Variants in CAMKK2 observed in about 807,000 individuals in gnomAD.
CAMKK2 encodes the protein calcium/calmodulin-dependent protein kinase kinase 2.
Under a neutral mutation model 67.2 loss-of-function variants are expected in CAMKK2, and 30 were observed. The ratio of observed to expected loss-of-function variants is 0.45; its 90% CI spans 0.33 to 0.61. The LOEUF (loss-of-function observed/expected upper bound fraction) is 0.61. Ranked by LOEUF, CAMKK2 falls within the 20% of genes least tolerant of loss-of-function variation. The pLI, the probability that CAMKK2 is intolerant of heterozygous loss-of-function variation, is 0.02. For missense variants in CAMKK2, 643 were observed against 802.0 expected, an observed-to-expected ratio of 0.80 and a Z score of 2.39; for synonymous variants, 322 against 326.2, an observed-to-expected ratio of 0.99 and a Z score of 0.14.
chr12:121,273,839 C>G (rs1221746024), intron 2 of CAMKK2, among the ~76,000 whole-genome samples: 2 of 152,104 alleles, frequency 1.3e-5, no homozygotes, highest in Non-Finnish European at 2.9e-5. Flanking sequence ...CATGACCCAC[C>G]CTTTGCTGAC....
intron 1 of CAMKK2, among the ~76,000 whole-genome samples, chr12:121,276,470 C>A (rs540071769): frequency 1.3e-5 from 2 of 152,032 alleles, no homozygotes; most frequent in South Asian, 2.1e-4. Flanking sequence ...AGACTCATCT[C>A]AAAAAATAAA....
At chr12:121,259,200 A>G (rs906435720) in intron 7 of CAMKK2, among the ~76,000 whole-genome samples, 2 of 152,118 alleles carry the variant, frequency 1.3e-5, no homozygotes, top group Non-Finnish European at 2.9e-5. Flanking sequence ...TGTTCTGCCC[A>G]AATGTCACCT....
upstream of CAMKK2, chr12:121,297,183 T>C (rs886606622): frequency 1.9e-5 from 3 of 160,236 alleles, no homozygotes; most frequent in Non-Finnish European, 4.1e-5. Context: ...TTTAGCCAAA[T>C]GCCGGGGCTG....
At chr12:121,257,319 T>C (rs995000645) in intron 7 of CAMKK2, among the ~76,000 whole-genome samples, 1 of 151,738 alleles carries the variant, frequency 6.6e-6, no homozygotes, top group Non-Finnish European at 1.5e-5. Context: ...CGATCTTGGC[T>C]CACTGCAACC....
intron 1 of CAMKK2, among the ~76,000 whole-genome samples, chr12:121,290,764 T>C (rs1482309074): frequency 3.9e-5 from 6 of 152,300 alleles, no homozygotes; most frequent in African/African-American, 1.2e-4. Context: ...AAAATTGTAA[T>C]GAAATGACCA....
intron 14 of CAMKK2, among the ~76,000 whole-genome samples, chr12:121,246,976 C>G (rs901593413): frequency 6.6e-6 from 1 of 152,166 alleles, no homozygotes; most frequent in Non-Finnish European, 1.5e-5. Flanking sequence ...CAGACCACTT[C>G]CCAGTATCTA....
Position 121,271,433 on chromosome 12 carries a change from C to T in CAMKK2, c.472-488G>A, listed in dbSNP as rs558152699. 1.8e-3 allele frequency among the ~76,000 whole-genome samples: 267 copies of T among 152,292 alleles called. 2 individuals carry two copies. The highest frequency in any genetic ancestry group is 5.3e-3 in the African/African-American group (219 of 41,570). The stretch of plus-strand genomic sequence containing the variant: ...TGGCCACTCTCTTGACTTCTAACAA[C>T]GCTGATTTTGCTTGTTGTACTTTGT... On this transcript the variant is annotated intron_variant, in intron 2 of 16. Coordinates refer to ENST00000404169, the MANE Select transcript of CAMKK2 (RefSeq NM_001270485.2).
At chr12:121,280,635 T>C (rs983427470) in intron 1 of CAMKK2, among the ~76,000 whole-genome samples, 1 of 152,172 alleles carries the variant, frequency 6.6e-6, no homozygotes, top group South Asian at 2.1e-4. Context: ...AGAAAGAGAA[T>C]GCGTACCTAG....
chr12:121,292,028 C>T (rs1900123853), intron 1 of CAMKK2, among the ~76,000 whole-genome samples: 1 of 151,794 alleles, frequency 6.6e-6, no homozygotes, highest in Admixed American at 6.6e-5. Context: ...TGCACTCCAG[C>T]CTGGCGACAG....
At chr12:121,247,439 C>T (rs368233038) in intron 14 of CAMKK2, among the ~76,000 whole-genome samples, 2 of 152,210 alleles carry the variant, frequency 1.3e-5, no homozygotes, top group African/African-American at 2.4e-5. Flanking sequence ...CCCAAGAACC[C>T]GTCCCAGAGA....
chr12:121,240,350 A>G lies in CAMKK2; in HGVS notation c.*349T>C. 1 of 1,266,528 alleles carries G rather than the reference A, an allele frequency of 7.9e-7. No individual in the cohort carries two copies. The highest frequency in any genetic ancestry group is 1.1e-6 in the Non-Finnish European group (1 of 925,508). The allele number at this position is 1,266,528 out of a possible 1,614,324, so 78.5% of individuals were successfully genotyped here. A position where few individuals can be genotyped will look rare whatever the true frequency, so the allele number is the denominator to read the frequency against. On this transcript the variant is annotated 3_prime_UTR_variant, in exon 17 of 17. Transcript: ENST00000404169. This position sits in a 1 kb window ranked among gnomAD's most constrained non-coding sequence, Gnocchi z 4.4. The stretch of plus-strand genomic sequence containing the variant: ...CCTTTCCACAGTTGTCAAACCCCAC[A>G]CACAGTCACTTGGTATATCTGACGT...
chr12:121,240,480 GTCC>G lies in CAMKK2; in HGVS notation c.*216_*218del, dbSNP rs1329165488. ...GGTCTGCAACTCCTCACACCCGCCTGTCCAGCCAGCCAGCGGCCACGGTCGACG... is the reference window on the plus strand; with the variant it reads ...GGTCTGCAACTCCTCACACCCGCCTGAGCCAGCCAGCGGCCACGGTCGACG... On this transcript the variant is annotated 3_prime_UTR_variant, in exon 17 of 17. Transcript: ENST00000404169. The surrounding 1 kb of genome is among the most constrained non-coding windows in gnomAD (Gnocchi z 4.4). The G allele has an allele frequency of 1.3e-6, 2 of 1,535,054 alleles. No individual in the cohort carries two copies. The highest frequency in any genetic ancestry group is 3.9e-5 in the Admixed American group (2 of 50,906).
chr12:121,296,921 G>A (rs1466069244), upstream of CAMKK2, among the ~76,000 whole-genome samples: 15 of 151,542 alleles, frequency 9.9e-5, no homozygotes, highest in Admixed American at 9.2e-4. The surrounding 1 kb of genome is among the most constrained non-coding windows in gnomAD (Gnocchi z 7.1). Flanking sequence ...CCGGGGAGGG[G>A]TGGGGAGGCG....
intron 6 of CAMKK2, among the ~76,000 whole-genome samples, chr12:121,262,874 A>C (rs1166704366): frequency 6.6e-6 from 1 of 152,140 alleles, no homozygotes; most frequent in African/African-American, 2.4e-5. Flanking sequence ...GTTTTTAAAT[A>C]ATTAATAGTT....
intron 1 of CAMKK2, among the ~76,000 whole-genome samples, chr12:121,276,884 C>CA (rs1290040453): frequency 1.3e-4 from 13 of 102,018 alleles, no homozygotes; most frequent in East Asian, 2.7e-4. Flanking sequence ...GACTCCATCT[C>CA]AAAAAAAAAG....
chr12:121,280,637 C>T (rs918187103), intron 1 of CAMKK2, among the ~76,000 whole-genome samples: 9 of 152,142 alleles, frequency 5.9e-5, no homozygotes, highest in Admixed American at 5.2e-4. Flanking sequence ...AAAGAGAATG[C>T]GTACCTAGGG....
Position 121,277,513 on chromosome 12 carries a change from TG to T in CAMKK2, c.-59-2929del, listed in dbSNP as rs1770397695. 3.9e-5 allele frequency among the ~76,000 whole-genome samples: 6 copies of T among 152,274 alleles called. 1 individual carries two copies. In the South Asian group the frequency reaches 1.2e-3, roughly 32 times the overall value. The stretch of plus-strand genomic sequence containing the variant: ...AACAGACGAATGAATAAACAAAATG[TG>T]GCAGAGCCATACAACAGAATACTAT... On this transcript the variant is annotated intron_variant, in intron 1 of 16. Coordinates refer to ENST00000404169, the MANE Select transcript of CAMKK2 (RefSeq NM_001270485.2).
rs1893507071 is a variant in CAMKK2, at chr12:121,261,746, C to T, written c.760-1391G>A. Among the ~76,000 whole-genome samples, 3 of 152,226 alleles carry T rather than the reference C, an allele frequency of 2.0e-5. No homozygotes were observed. The South Asian group carries it at 6.2e-4, about 31-fold the overall frequency. On this transcript the variant is annotated intron_variant, in intron 6 of 16. Coordinates refer to ENST00000404169, the MANE Select transcript of CAMKK2 (RefSeq NM_001270485.2). ...AGAGGCTTCCAGCCCTTTCCACATG[C>T]AGCTCCCTGCCCTGCAATGCCTTTC...
chr12:121,248,828 G>A, intron 13 of CAMKK2, 94 bp from the exon 14 acceptor site: 2 of 1,466,624 alleles, frequency 1.4e-6, no homozygotes, highest in Admixed American at 1.7e-5. Flanking sequence ...GCAGGACGGA[G>A]AGGCAAGGGC....
Sources: gnomAD v4.1 joint callset for allele counts (sites outside exome capture counted in the v4.1 genomes callset) on GRCh38, gnomAD v4.1.1 for gene constraint, Gnocchi (gnomAD v3.1) non-coding constraint, MANE v1.5 for transcripts, NCBI Gene and HGNC (gene_info 2026-07-23, HGNC 2026-07-21) for gene names.